PDZRN3: variants seen among roughly 807,000 people sequenced by gnomAD.
The protein encoded by PDZRN3 is PDZ domain containing ring finger 3.
In PDZRN3, 38 loss-of-function variants were observed where a neutral mutation model predicts 85.7. The ratio of observed to expected loss-of-function variants is 0.44; its 90% CI spans 0.34 to 0.58. The LOEUF is 0.58. Ranked by LOEUF, PDZRN3 falls within the 20% of genes least tolerant of loss-of-function variation. PDZRN3 has a pLI of 0.01. For missense variants in PDZRN3, 1,629 were observed against 1,506.4 expected (o/e 1.08, Z -1.35); for synonymous variants, 759 against 638.0 (o/e 1.19, Z -2.86).
At chr3:73,614,158 G>T (rs1257495522) in intron 1 of PDZRN3, among the ~76,000 whole-genome samples, 1 of 152,144 alleles carries the variant, frequency 6.6e-6, no homozygotes, top group East Asian at 1.9e-4. Context: ...TTCAACTCAA[G>T]GTCTAATTGG....
intron 3 of PDZRN3, among the ~76,000 whole-genome samples, chr3:73,453,658 C>CA (rs1702920608): frequency 6.6e-6 from 1 of 151,792 alleles, no homozygotes; most frequent in Non-Finnish European, 1.5e-5. Context: ...GAATTAGCAA[C>CA]GTTGATATTG....
intron 6 of PDZRN3, 150 bp downstream of exon 6, chr3:73,390,868 T>C (rs1701509358): frequency 1.8e-6 from 1 of 555,628 alleles, no homozygotes; most frequent in Non-Finnish European, 3.2e-6. Flanking sequence ...CGTGGAAAGA[T>C]GCAGCGCCAT....
At chr3:73,465,487 A>G (rs1371135938) in intron 3 of PDZRN3, among the ~76,000 whole-genome samples, 1 of 152,224 alleles carries the variant, frequency 6.6e-6, no homozygotes, top group Admixed American at 6.5e-5. Context: ...AACAAACAAA[A>G]CAAAATACAA....
intron 3 of PDZRN3, among the ~76,000 whole-genome samples, chr3:73,480,023 G>A (rs936526385): frequency 5.3e-5 from 8 of 152,146 alleles, no homozygotes; most frequent in African/African-American, 1.9e-4. Context: ...TGATTTTACT[G>A]GGGGCAATCC....
Position 73,505,665 on chromosome 3 carries a change from T to G in PDZRN3, c.918+96689A>C, listed in dbSNP as rs539661194. ...ACATATTACTAAGTAACTTGTTTAT[T>G]AAAGGTCATTTATTTTCATCATCAG... On this transcript the variant is annotated intron_variant, in intron 3 of 9. Transcript: ENST00000263666. Among the ~76,000 whole-genome samples the G allele has an allele frequency of 3.9e-4, 60 of 152,252 alleles. 1 individual carries two copies. Among genetic ancestry groups the G allele is most frequent in the Middle Eastern group, 6.8e-3 (2 of 294 alleles).
intron 1 of PDZRN3, among the ~76,000 whole-genome samples, chr3:73,616,083 T>G (rs1702757499): frequency 2.0e-5 from 3 of 152,168 alleles, no homozygotes; most frequent in Admixed American, 1.3e-4. Context: ...TAAAAGAGCC[T>G]GGAACTTCTC....
intron 3 of PDZRN3, among the ~76,000 whole-genome samples, chr3:73,455,345 G>C (rs1702957341): frequency 6.6e-6 from 1 of 152,204 alleles, no homozygotes; most frequent in Non-Finnish European, 1.5e-5. Context: ...GGATTACAGA[G>C]TAAGTGCTAG....
intron 3 of PDZRN3, among the ~76,000 whole-genome samples, chr3:73,453,430 A>C (rs1163337851): frequency 2.3e-4 from 34 of 150,698 alleles, no homozygotes; most frequent in Non-Finnish European, 4.7e-4. Flanking sequence ...AAAACAAAAA[A>C]AAAAAACAAA....
chr3:73,533,972 C>T (rs527929515), intron 3 of PDZRN3, among the ~76,000 whole-genome samples: 3 of 151,962 alleles, frequency 2.0e-5, no homozygotes, highest in African/African-American at 4.8e-5. Context: ...TTAGTACCAC[C>T]GGATGTCTTA....
chr3:73,551,747 T>C (rs1381710408), intron 3 of PDZRN3, among the ~76,000 whole-genome samples: 1 of 148,822 alleles, frequency 6.7e-6, no homozygotes, highest in Non-Finnish European at 1.5e-5. Context: ...CCACTTCTAA[T>C]ATTAGAAGCC....
chr3:73,424,186 G>A lies in PDZRN3; in HGVS notation c.919-19791C>T, dbSNP rs191102127. On this transcript the variant is annotated intron_variant, in intron 3 of 9. Coordinates refer to ENST00000263666, the MANE Select transcript of PDZRN3 (RefSeq NM_015009.3). Reference sequence around the variant, plus strand: ...AACAAGCACAAACCAAAAGAAAAGGGATATATTTGACTTTATGAAATTAAG... The same window carrying A: ...AACAAGCACAAACCAAAAGAAAAGGAATATATTTGACTTTATGAAATTAAG... Among the ~76,000 whole-genome samples the A allele has an allele frequency of 3.7e-3, 557 of 151,950 alleles. 4 individuals carry two copies. The highest frequency in any genetic ancestry group is 0.013 in the African/African-American group (528 of 41,448).
intron 3 of PDZRN3, among the ~76,000 whole-genome samples, chr3:73,583,915 C>T (rs1034922338): frequency 2.6e-5 from 4 of 152,142 alleles, no homozygotes; most frequent in African/African-American, 9.7e-5. Context: ...TGTCTACCAC[C>T]ACTTTCAGTA....
At chr3:73,452,947 C>T (rs1336833531) in intron 3 of PDZRN3, among the ~76,000 whole-genome samples, 1 of 151,710 alleles carries the variant, frequency 6.6e-6, no homozygotes, top group Non-Finnish European at 1.5e-5. Flanking sequence ...CACACATGTT[C>T]TCCTGTCTCA....
Position 73,402,941 on chromosome 3 carries a change from C to CTTTTTTTTTTTTTT in PDZRN3, c.1166+1193_1166+1206dup, listed in dbSNP as rs140037400. 1.8e-3 allele frequency among the ~76,000 whole-genome samples: 210 copies of CTTTTTTTTTTTTTT among 115,616 alleles called. 4 individuals are homozygous for CTTTTTTTTTTTTTT. Among genetic ancestry groups the CTTTTTTTTTTTTTT allele is most frequent in the African/African-American group, 3.0e-3 (79 of 26,742 alleles). The allele number at this position is 115,616 out of a possible 152,430, so 75.8% of individuals were successfully genotyped here. A position where few individuals can be genotyped will look rare whatever the true frequency, so the allele number is the denominator to read the frequency against. On this transcript the variant is annotated intron_variant, in intron 4 of 9. Transcript: ENST00000263666. The stretch of plus-strand genomic sequence containing the variant: ...GATGTGCAAAGTCACACATGAAAAG[C>CTTTTTTTTTTTTTT]TTTTTTTTTTTTTTTTTTTTGAGAC...
intron 3 of PDZRN3, among the ~76,000 whole-genome samples, chr3:73,506,452 T>C (rs2106696997): frequency 6.6e-6 from 1 of 152,206 alleles, no homozygotes; most frequent in South Asian, 2.1e-4. Flanking sequence ...ACAGGGAACA[T>C]AAGCAACTGC....
chr3:73,557,366 C>A (rs1053240669), intron 3 of PDZRN3, among the ~76,000 whole-genome samples: 1 of 152,202 alleles, frequency 6.6e-6, no homozygotes, highest in South Asian at 2.1e-4. Flanking sequence ...TTAATAAAAT[C>A]TGAAATATCT....
At position 73,384,856 on chromosome 3, in the gene PDZRN3, A is replaced by G. The variant is rs1701328657; in HGVS notation, c.1710T>C (p.Gly570=). The change falls in exon 10 of 10, where the codon GGT becomes GGC. Residue 570 remains glycine (G), a synonymous_variant. Transcript: ENST00000263666. ...ILSNQHEKDS[G]VGRTDESTRN... is the part of the protein sequence containing the mutation. ...GGGTGCTCTCGTCGGTCCGCCCCAC[A>G]CCGCTGTCCTTCTCGTGCTGGTTGG... 25 of 1,613,978 alleles carry G rather than the reference A, an allele frequency of 1.5e-5. No homozygotes were observed. The highest frequency in any genetic ancestry group is 1.9e-5 in the Non-Finnish European group (23 of 1,179,944).
At chr3:73,404,464 T>C in intron 3 of PDZRN3, 69 bp from the exon 4 acceptor site, 2 of 1,476,468 alleles carry the variant, frequency 1.4e-6, no homozygotes, top group Admixed American at 2.0e-5. Flanking sequence ...AATACATGAA[T>C]TGCCTGCTTT....
chr3:73,397,812 G>A (rs780332731), intron 5 of PDZRN3, among the ~76,000 whole-genome samples: 20 of 152,166 alleles, frequency 1.3e-4, no homozygotes, highest in Non-Finnish European at 2.2e-4. Flanking sequence ...GAGTTGCTGT[G>A]GACAAAATGT....
Sources: gnomAD v4.1 joint callset for allele counts (sites outside exome capture counted in the v4.1 genomes callset) on GRCh38, gnomAD v4.1.1 for gene constraint, MANE v1.5 for transcripts, NCBI Gene and HGNC (gene_info 2026-07-23, HGNC 2026-07-21) for gene names.